ANTXR2: variants seen among roughly 807,000 people sequenced by gnomAD.
ANTXR2 encodes the protein anthrax toxin receptor 2.
A neutral mutation model predicts 73.7 loss-of-function variants in ANTXR2; 44 were observed. That is an observed-to-expected ratio of 0.60 (90% CI 0.47 to 0.77). The LOEUF (loss-of-function observed/expected upper bound fraction) is 0.77. ANTXR2 is among the 30% of genes least tolerant of loss of function. ANTXR2 has a pLI of 0.00. For missense variants in ANTXR2, 604 were observed against 592.5 expected (o/e 1.02, Z -0.20); for synonymous variants, 217 against 205.9 (o/e 1.05, Z -0.46).
chr4:79,990,839 G>T (rs1730435802), intron 12 of ANTXR2, among the ~76,000 whole-genome samples: 1 of 152,030 alleles, frequency 6.6e-6, no homozygotes. Flanking sequence ...CAACAAAGTT[G>T]ACAATAACAA....
chr4:80,007,450 A>G (rs982460601), intron 12 of ANTXR2, among the ~76,000 whole-genome samples: 8 of 152,170 alleles, frequency 5.3e-5, no homozygotes, highest in African/African-American at 1.9e-4. Flanking sequence ...AAATGTGTAG[A>G]ATGATACCCC....
intron 16 of ANTXR2, among the ~76,000 whole-genome samples, chr4:79,928,376 G>A (rs555915867): frequency 1.3e-5 from 2 of 152,302 alleles, no homozygotes; most frequent in Admixed American, 1.3e-4. Context: ...GGGAATTATT[G>A]TTTAATGGGT....
chr4:79,910,507 CAAAA>C (rs144527286), intron 16 of ANTXR2, among the ~76,000 whole-genome samples: 1 of 95,652 alleles, frequency 1.0e-5, no homozygotes. Context: ...GACTCCGTCT[CAAAA>C]AAAAAAAAAA....
intron 16 of ANTXR2, among the ~76,000 whole-genome samples, chr4:79,974,958 G>A (rs1002563679): frequency 1.3e-5 from 2 of 152,078 alleles, no homozygotes; most frequent in Admixed American, 6.6e-5. Context: ...ATATATGTTA[G>A]GCACTAGGTA....
At position 80,025,578 on chromosome 4, in the gene ANTXR2, A is replaced by G. The variant is rs1352052763; in HGVS notation, c.866+6045T>C. ...GGCAGCTACTCAAAAAGTTATTACA[A>G]TTATGGTGACTTAAGATATTTTGAA... On this transcript the variant is annotated intron_variant, in intron 10 of 16. Transcript: ENST00000403729. Among the ~76,000 whole-genome samples, 4 of 152,336 alleles carry G rather than the reference A, an allele frequency of 2.6e-5. No individual in the cohort carries two copies. The East Asian group carries it at 5.8e-4, about 22-fold the overall frequency.
At chr4:79,908,719 A>G (rs1332968949) in intron 16 of ANTXR2, among the ~76,000 whole-genome samples, 1 of 152,186 alleles carries the variant, frequency 6.6e-6, no homozygotes, top group Non-Finnish European at 1.5e-5. Flanking sequence ...GGAAGTAGGA[A>G]AAAAGCAGAT....
intron 3 of ANTXR2, among the ~76,000 whole-genome samples, chr4:80,061,237 G>A (rs993675065): frequency 2.0e-5 from 3 of 151,788 alleles, no homozygotes; most frequent in Non-Finnish European, 4.4e-5. Context: ...TAAATAAATC[G>A]TAGGCCTAGA....
intron 16 of ANTXR2, among the ~76,000 whole-genome samples, chr4:79,926,976 T>C (rs201774874): frequency 1.4e-4 from 13 of 90,578 alleles, no homozygotes; most frequent in East Asian, 5.8e-4. Context: ...TGTGTATATA[T>C]ACGTGTGCAT....
rs1246235509 is a variant in ANTXR2 at position 80,052,899 on chromosome 4, T to G, written c.636+1373A>C. Among the ~76,000 whole-genome samples the G allele has an allele frequency of 2.0e-5, 3 of 151,466 alleles. No individual in the cohort carries two copies. In the South Asian group the frequency reaches 6.2e-4, roughly 31 times the overall value. ...AGCTACTAATTCCTTGAAGGGGAAATCTGTAGTTATTACCCATAAAAATAG... is the reference window on the plus strand; with the variant it reads ...AGCTACTAATTCCTTGAAGGGGAAAGCTGTAGTTATTACCCATAAAAATAG... On this transcript the variant is annotated intron_variant, in intron 7 of 16. Coordinates refer to ENST00000403729, the MANE Select transcript of ANTXR2 (RefSeq NM_058172.6).
At chr4:79,988,229 TTATATATATATA>T (rs70944756) in intron 12 of ANTXR2, among the ~76,000 whole-genome samples, 7,110 of 67,886 alleles carry the variant, frequency 0.1, 327 homozygotes, top group Non-Finnish European at 0.13. Flanking sequence ...CACATAAATT[TTATATATATATA>T]TATATATATA....
chr4:79,918,152 T>C (rs1312878604), intron 16 of ANTXR2, among the ~76,000 whole-genome samples: 1 of 152,038 alleles, frequency 6.6e-6, no homozygotes, highest in Non-Finnish European at 1.5e-5. Context: ...GGTAGGAGAA[T>C]AGATATTGTT....
At chr4:79,951,305 C>T (rs1054394604) in intron 16 of ANTXR2, among the ~76,000 whole-genome samples, 3 of 152,058 alleles carry the variant, frequency 2.0e-5, no homozygotes, top group Non-Finnish European at 4.4e-5. Context: ...CTCTGCTGGG[C>T]GTGGTGGCTC....
chr4:80,018,833 A>G, intron 11 of ANTXR2, 65 bp downstream of exon 11: 1 of 1,242,458 alleles, frequency 8.0e-7, no homozygotes. Flanking sequence ...AACACCAAAG[A>G]TCCATAGATT....
Position 80,051,140 on chromosome 4 carries a change from C to T in ANTXR2, c.636+3132G>A, listed in dbSNP as rs551690877. ...CACAATGAAAGGCCTCCCATAACTT[C>T]GCATAACTAAACCCATCCTGTCTTT... On this transcript the variant is annotated intron_variant, in intron 7 of 16. Transcript: ENST00000403729. Among the ~76,000 whole-genome samples the T allele has an allele frequency of 3.6e-4, 55 of 151,740 alleles. 2 individuals carry two copies. The South Asian group carries it at 9.5e-3, about 26-fold the overall frequency.
chr4:79,964,236 G>A (rs1729260546), intron 16 of ANTXR2, among the ~76,000 whole-genome samples: 1 of 152,136 alleles, frequency 6.6e-6, no homozygotes, highest in Non-Finnish European at 1.5e-5. Flanking sequence ...ATTGGTTTGT[G>A]GAACTACTCC....
At chr4:80,045,535 T>C (rs536490119) in intron 7 of ANTXR2, among the ~76,000 whole-genome samples, 16 of 151,264 alleles carry the variant, frequency 1.1e-4, no homozygotes, top group African/African-American at 3.6e-4. Context: ...ACCCACAGCA[T>C]GTCAGAAAAT....
intron 1 of ANTXR2, 37 bp downstream of exon 1, chr4:80,072,372 C>T (rs769533930): frequency 1.2e-5 from 18 of 1,545,300 alleles, no homozygotes; most frequent in African/African-American, 1.4e-5. Context: ...CAGTGCCGCC[C>T]TCACCAGGAG....
intron 10 of ANTXR2, among the ~76,000 whole-genome samples, chr4:80,030,699 T>C (rs1300792272): frequency 6.6e-6 from 1 of 152,110 alleles, no homozygotes; most frequent in Non-Finnish European, 1.5e-5. Flanking sequence ...AGATAAATGT[T>C]CAAGTCAGCT....
At chr4:80,072,329 G>T in intron 1 of ANTXR2, 80 bp downstream of exon 1, 1 of 1,418,000 alleles carries the variant, frequency 7.1e-7, no homozygotes, top group Admixed American at 2.7e-5. Context: ...CCCGGGGTGC[G>T]CACACGCATC....
Sources: allele counts gnomAD v4.1 joint callset (sites outside exome capture counted in the v4.1 genomes callset), GRCh38; gene constraint gnomAD v4.1.1; transcripts MANE v1.5; gene names NCBI Gene and HGNC (gene_info 2026-07-23, HGNC 2026-07-21).